CEPT1: variants seen among roughly 807,000 people sequenced by gnomAD.
CEPT1 encodes choline/ethanolaminephosphotransferase 1.
A neutral mutation model predicts 42.6 loss-of-function variants in CEPT1; 7 were observed. That is an observed-to-expected ratio of 0.16 (90% CI 0.09 to 0.31). CEPT1 has a LOEUF of 0.31. Ranked by LOEUF, CEPT1 falls within the 10% of genes least tolerant of loss-of-function variation. The pLI is 1.00. For missense variants in CEPT1, 306 were observed against 502.1 expected (o/e 0.61, Z 3.73); for synonymous variants, 171 against 171.9 (o/e 0.99, Z 0.04).
intron 4 of CEPT1, among the ~76,000 whole-genome samples, chr1:111,164,560 A>G (rs770668146): frequency 1.3e-5 from 2 of 151,992 alleles, no homozygotes; most frequent in Non-Finnish European, 2.9e-5. Flanking sequence ...TGAATGGGAG[A>G]GTTCACATTT....
At chr1:111,171,999 A>G (rs910793864) in intron 4 of CEPT1, among the ~76,000 whole-genome samples, 1 of 152,208 alleles carries the variant, frequency 6.6e-6, no homozygotes, top group Non-Finnish European at 1.5e-5. Context: ...GGCCTCCCCA[A>G]AGTGCTGGGA....
intron 8 of CEPT1, among the ~76,000 whole-genome samples, 200 bp from the exon 9 acceptor site, chr1:111,183,991 T>C (rs1252903793): frequency 6.6e-6 from 1 of 152,040 alleles, no homozygotes; most frequent in Non-Finnish European, 1.5e-5. Context: ...ACAAAGACAA[T>C]AAGGCCCATA....
intron 2 of CEPT1, among the ~76,000 whole-genome samples, chr1:111,152,775 T>C (rs1190393696): frequency 6.6e-6 from 1 of 152,158 alleles, no homozygotes; most frequent in African/African-American, 2.4e-5. Context: ...TTTTTGTATG[T>C]TTGAAATAGT....
chr1:111,172,592 C>A (rs1656475374), intron 4 of CEPT1, among the ~76,000 whole-genome samples: 1 of 152,156 alleles, frequency 6.6e-6, no homozygotes, highest in Admixed American at 6.5e-5. Context: ...GTCTTCTAAA[C>A]AAAATCATAA....
intron 2 of CEPT1, among the ~76,000 whole-genome samples, chr1:111,157,236 G>A (rs1468385914): frequency 6.6e-6 from 1 of 152,146 alleles, no homozygotes; most frequent in Non-Finnish European, 1.5e-5. Flanking sequence ...TCCTAGGATT[G>A]TGTATATACT....
At chr1:111,160,734 C>G (rs1310814604) in intron 3 of CEPT1, 2 of 165,952 alleles carry the variant, frequency 1.2e-5, no homozygotes, top group Non-Finnish European at 2.6e-5. Context: ...TCACCCATAA[C>G]AATATCTGTT....
At chr1:111,140,409 T>C (rs1227608788) in intron 1 of CEPT1, 102 bp downstream of exon 1, 1 of 152,152 alleles carries the variant, frequency 6.6e-6, no homozygotes. Flanking sequence ...CATTAGGATA[T>C]AGCTGTGTAT....
rs1307885564 is a variant in CEPT1 at position 111,183,468 on chromosome 1, C to G, written c.1012C>G (p.His338Asp). 1 of 1,613,592 alleles carries G rather than the reference C, an allele frequency of 6.2e-7. No homozygotes were observed. Among genetic ancestry groups the G allele is most frequent in the Non-Finnish European group, 8.5e-7 (1 of 1,179,552 alleles). Residue 338 changes from histidine (H) to aspartate (D), a missense_variant, in exon 8 of 9, where the codon CAC (histidine) becomes GAC (aspartate). By Grantham distance (81) the His-to-Asp change is moderately conservative. This residue lies in a region of CEPT1 where 253 missense variants were observed against 447.3 expected (regional missense o/e 0.57). Transcript: ENST00000357172. ...TATTCTGTTTTATTCATAGGTTGCA[C>G]ACATGACGAAAAGTGAAATGCATTT... ...AKITNKLVVA[H>D]MTKSEMHLHD...
intron 5 of CEPT1, chr1:111,178,262 T>C (rs1329678949): frequency 1.3e-5 from 2 of 152,194 alleles, no homozygotes; most frequent in Non-Finnish European, 2.9e-5. Flanking sequence ...TTTACTGACA[T>C]TTAGAAAGCA....
chr1:111,172,434 A>G (rs1400028550), intron 4 of CEPT1, among the ~76,000 whole-genome samples: 2 of 152,202 alleles, frequency 1.3e-5, no homozygotes, highest in African/African-American at 4.8e-5. Context: ...CTGCCCTTAT[A>G]TAATATTCTG....
rs537383838 is a variant in CEPT1, at chr1:111,157,129, A to G, written c.340-2251A>G. Among the ~76,000 whole-genome samples the G allele has an allele frequency of 7.9e-5, 12 of 152,356 alleles. No homozygotes were observed. The East Asian group carries it at 2.3e-3, about 29-fold the overall frequency. On this transcript the variant is annotated intron_variant, in intron 2 of 8. Transcript: ENST00000357172. The stretch of plus-strand genomic sequence containing the variant: ...AAAATAATGTGCACAAGGAAGAAGT[A>G]TATAAATATTAGTGTATCATTGTGC...
chr1:111,143,473 C>T (rs1311110860), intron 1 of CEPT1: 1 of 152,194 alleles, frequency 6.6e-6, no homozygotes, highest in African/African-American at 2.4e-5. Context: ...TCTTTTCCCA[C>T]TGGACATAGG....
rs548311984 is a variant in CEPT1, at chr1:111,169,058, A to G, written c.630-5821A>G. 3.9e-5 allele frequency among the ~76,000 whole-genome samples: 6 copies of G among 152,322 alleles called. No individual in the cohort carries two copies. In the East Asian group the frequency reaches 5.8e-4, roughly 15 times the overall value. On this transcript the variant is annotated intron_variant, in intron 4 of 8. Coordinates refer to ENST00000357172, the MANE Select transcript of CEPT1 (RefSeq NM_006090.5). ...CTCACACAATGTAAATGCCAAGTAAATAGTTGTTATACTATAATGTTTAGG... is the reference window on the plus strand; with the variant it reads ...CTCACACAATGTAAATGCCAAGTAAGTAGTTGTTATACTATAATGTTTAGG...
At chr1:111,158,914 T>TTC (rs1318812856) in intron 2 of CEPT1, among the ~76,000 whole-genome samples, 1 of 126,530 alleles carries the variant, frequency 7.9e-6, no homozygotes, top group East Asian at 2.1e-4. Flanking sequence ...TTTTTTTTTT[T>TTC]TTTTTTTTTT....
chr1:111,144,523 G>A (rs911741923), intron 1 of CEPT1, among the ~76,000 whole-genome samples: 1 of 152,114 alleles, frequency 6.6e-6, no homozygotes, highest in African/African-American at 2.4e-5. Flanking sequence ...AGAAATAGAA[G>A]GTTAAAAAAC....
chr1:111,154,289 C>T lies in CEPT1; in HGVS notation c.340-5091C>T, dbSNP rs144559258. 6.1e-3 allele frequency among the ~76,000 whole-genome samples: 902 copies of T among 147,580 alleles called. 3 individuals carry two copies. Among genetic ancestry groups the T allele is most frequent in the Non-Finnish European group, 8.9e-3 (594 of 66,486 alleles). On this transcript the variant is annotated intron_variant, in intron 2 of 8. Transcript: ENST00000357172. ...ATGGGGTTGCCTTCTTGATTTTTTTCCAGCTAGTTTGTTATTGGTGTATGG... is the reference window on the plus strand; with the variant it reads ...ATGGGGTTGCCTTCTTGATTTTTTTTCAGCTAGTTTGTTATTGGTGTATGG...
chr1:111,174,416 A>C (rs776588162), intron 4 of CEPT1, among the ~76,000 whole-genome samples: 3 of 152,122 alleles, frequency 2.0e-5, no homozygotes, highest in Non-Finnish European at 4.4e-5. Context: ...TCTAAAGAAC[A>C]GTAAGTTTTA....
At position 111,147,725 on chromosome 1, in the gene CEPT1, A is replaced by T; in HGVS notation, c.11A>T (p.His4Leu). 2 of 1,607,628 alleles carry T rather than the reference A, an allele frequency of 1.2e-6. No homozygotes were observed. Among genetic ancestry groups the T allele is most frequent in the South Asian group, 1.1e-5 (1 of 90,462 alleles). Reference sequence around the variant, plus strand: ...AAAAAAACAAGATCCATGAGTGGGCATCGATCAACAAGGAAAAGATGTGGA... The same window carrying T: ...AAAAAAACAAGATCCATGAGTGGGCTTCGATCAACAAGGAAAAGATGTGGA... MSG[H>L]RSTRKRCGDS... The change falls in exon 2 of 9, where the codon CAT becomes CTT. Residue 4 changes from histidine (H) to leucine (L), a missense_variant. By Grantham distance (99) the His-to-Leu change is moderately conservative. Transcript: ENST00000357172.
Position 111,142,692 on chromosome 1 carries a change from C to T in CEPT1, c.-74+2385C>T, listed in dbSNP as rs563993331. ...AATTAAAATAAGTATTGATTATCTA[C>T]TTAGTGCTAAGTATGGTATGAGCTT... On this transcript the variant is annotated intron_variant, in intron 1 of 8. Transcript: ENST00000357172. Among the ~76,000 whole-genome samples the T allele has an allele frequency of 3.9e-5, 6 of 152,246 alleles. No homozygotes were observed. In the East Asian group the frequency reaches 1.2e-3, roughly 29 times the overall value.
Sources: gnomAD v4.1 joint callset for allele counts (sites outside exome capture counted in the v4.1 genomes callset) on GRCh38, gnomAD v4.1.1 for gene constraint, gnomAD v4.1.1 regional missense constraint, MANE v1.5 for transcripts, NCBI Gene and HGNC (gene_info 2026-07-23, HGNC 2026-07-21) for gene names.